PCDHGA1: variants seen among roughly 807,000 people sequenced by gnomAD.
PCDHGA1 encodes the protein protocadherin gamma-A1.
In PCDHGA1, 32 loss-of-function variants were observed where a neutral mutation model predicts 58.0. That is an observed-to-expected ratio of 0.55 (90% CI 0.42 to 0.74). PCDHGA1 has a LOEUF of 0.74. PCDHGA1 is among the 30% of genes least tolerant of loss of function. PCDHGA1 has a pLI of 0.00. For missense variants in PCDHGA1, 1,205 were observed against 1,182.3 expected, an observed-to-expected ratio of 1.02 and a Z score of -0.28; for synonymous variants, 498 against 501.1, an observed-to-expected ratio of 0.99 and a Z score of 0.08.
At chr5:141,393,664 T>G in intron 1 of PCDHGA1, 1 of 1,613,772 alleles carries the variant, frequency 6.2e-7, no homozygotes, top group Non-Finnish European at 8.5e-7. Flanking sequence ...TTCCGGAAAA[T>G]TAATGAAAAA....
rs369406530 is a variant in PCDHGA1, at chr5:141,393,504, A to C, written c.2421+60399A>C. On this transcript the variant is annotated intron_variant, in intron 1 of 3. Transcript: ENST00000517417. ...CTCTAGCACAGTGCGCATCCACGTG[A>C]CAGTGTTGGATACAAATGACAATGC... 16 of 1,613,918 alleles carry C rather than the reference A, an allele frequency of 9.9e-6. No individual in the cohort carries two copies. In the African/African-American group the frequency reaches 2.0e-4, roughly 20 times the overall value.
At chr5:141,360,063 A>C in intron 1 of PCDHGA1, 1 of 1,455,012 alleles carries the variant, frequency 6.9e-7, no homozygotes, top group Non-Finnish European at 9.1e-7. Context: ...AGGAAAAGTG[A>C]CCTTAGCCCG....
intron 1 of PCDHGA1, chr5:141,372,710 T>C (rs1366946720): frequency 6.2e-7 from 1 of 1,613,996 alleles, no homozygotes; most frequent in Admixed American, 1.7e-5. Context: ...ATATAAAGGC[T>C]GAAAATGCTG....
Position 141,485,400 on chromosome 5 carries a change from G to A in PCDHGA1, c.2422-9407G>A. On this transcript the variant is annotated intron_variant, in intron 1 of 3. Transcript: ENST00000517417. The surrounding 1 kb of genome is among the most constrained non-coding windows in gnomAD (Gnocchi z 5.7). ...GGAGAGGTGAACCAAAGACACTTCC[G>A]TGTGGATTTGGACAGCGGAGCCCTG... is the stretch of plus-strand genomic sequence containing the variant. The A allele has an allele frequency of 6.2e-7, 1 of 1,614,076 alleles. No homozygotes were observed. The highest frequency in any genetic ancestry group is 8.5e-7 in the Non-Finnish European group (1 of 1,179,948).
At chr5:141,389,359 G>C (rs768908018) in intron 1 of PCDHGA1, 99 of 1,613,770 alleles carry the variant, frequency 6.1e-5, no homozygotes, top group Non-Finnish European at 8.2e-5. Context: ...ATCATGGCCA[G>C]TGACCTGGAG....
chr5:141,419,877 C>G (rs1272137716), intron 1 of PCDHGA1: 24 of 1,614,062 alleles, frequency 1.5e-5, no homozygotes, highest in Non-Finnish European at 1.9e-5. Flanking sequence ...GAGGTACTGC[C>G]GGATTTCAGC....
intron 1 of PCDHGA1, chr5:141,421,694 C>G (rs2096592726): frequency 6.2e-7 from 1 of 1,613,936 alleles, no homozygotes. Flanking sequence ...TTTGCTCTTC[C>G]TAATGCTAGG....
chr5:141,476,557 C>T lies in PCDHGA1; in HGVS notation c.2422-18250C>T. On this transcript the variant is annotated intron_variant, in intron 1 of 3. Coordinates refer to ENST00000517417, the MANE Select transcript of PCDHGA1 (RefSeq NM_018912.3). This position sits in a 1 kb window ranked among gnomAD's most constrained non-coding sequence, Gnocchi z 7.6. ...AAATGAAATTGGAGATTAGCGAGGC[C>T]GTGGCTCCGGGGACGCGCTTTCCGC... The T allele has an allele frequency of 1.2e-6, 2 of 1,614,222 alleles. No homozygotes were observed. The highest frequency in any genetic ancestry group is 1.3e-5 in the African/African-American group (1 of 75,060).
At chr5:141,423,089 G>A in intron 1 of PCDHGA1, 1 of 1,614,016 alleles carries the variant, frequency 6.2e-7, no homozygotes, top group Non-Finnish European at 8.5e-7. Flanking sequence ...TTCGCGGTGG[G>A]GGAGCACACG....
At chr5:141,351,692 G>A in intron 1 of PCDHGA1, 1 of 1,613,988 alleles carries the variant, frequency 6.2e-7, no homozygotes, top group South Asian at 1.1e-5. Flanking sequence ...CCCGGATTTG[G>A]GACCCAACGG....
intron 1 of PCDHGA1, among the ~76,000 whole-genome samples, chr5:141,466,975 A>C (rs769024064): frequency 2.6e-5 from 4 of 151,842 alleles, no homozygotes; most frequent in Non-Finnish European, 5.9e-5. Context: ...CTCACAGCTC[A>C]TCATTTACCT....
At chr5:141,344,365 AG>A (rs768841675) in intron 1 of PCDHGA1, 1 of 1,613,644 alleles carries the variant, frequency 6.2e-7, no homozygotes. Flanking sequence ...ATTCTGGTTG[AG>A]GATAAATTGA....
chr5:141,388,626 A>C, intron 1 of PCDHGA1: 1 of 1,613,974 alleles, frequency 6.2e-7, no homozygotes, highest in Non-Finnish European at 8.5e-7. Flanking sequence ...AGACGTATAC[A>C]GGGTGAGCCT....
At chr5:141,379,467 G>A (rs1337785290) in intron 1 of PCDHGA1, 1 of 152,222 alleles carries the variant, frequency 6.6e-6, no homozygotes, top group Non-Finnish European at 1.5e-5. Context: ...CTCTGAAAGT[G>A]TGAATGTTAT....
intron 1 of PCDHGA1, chr5:141,394,006 T>C (rs753433160): frequency 3.1e-6 from 5 of 1,613,358 alleles, no homozygotes; most frequent in Non-Finnish European, 3.4e-6. Context: ...GAAAAGTCAA[T>C]AGGTAATTAT....
At chr5:141,510,431 G>A (rs912708135) in intron 3 of PCDHGA1, among the ~76,000 whole-genome samples, 9 of 152,132 alleles carry the variant, frequency 5.9e-5, no homozygotes, top group African/African-American at 1.9e-4. Flanking sequence ...TTTCATGGCT[G>A]CTGCCCTCCA....
chr5:141,482,609 A>G (rs2099569274), intron 1 of PCDHGA1, among the ~76,000 whole-genome samples: 1 of 151,770 alleles, frequency 6.6e-6, no homozygotes, highest in African/African-American at 2.4e-5. Context: ...AAACACCTAA[A>G]TGAGCCTGGA....
At chr5:141,362,673 A>T (rs1474121770) in intron 1 of PCDHGA1, 1 of 1,246,170 alleles carries the variant, frequency 8.0e-7, no homozygotes, top group African/African-American at 1.5e-5. Context: ...GTTGTGCCTT[A>T]ATTGTCTTAA....
At chr5:141,399,291 T>A in intron 1 of PCDHGA1, 1 of 1,613,954 alleles carries the variant, frequency 6.2e-7, no homozygotes, top group East Asian at 2.2e-5. Context: ...AAGTCCCTTT[T>A]AAGATTATCT....
Sources: gnomAD v4.1 joint callset for allele counts (sites outside exome capture counted in the v4.1 genomes callset) on GRCh38, gnomAD v4.1.1 for gene constraint, Gnocchi (gnomAD v3.1) non-coding constraint, MANE v1.5 for transcripts, NCBI Gene and HGNC (gene_info 2026-07-23, HGNC 2026-07-21) for gene names.